CACNA2D1: variants seen among roughly 807,000 people sequenced by gnomAD.
CACNA2D1 encodes calcium voltage-gated channel auxiliary subunit alpha2delta 1.
Under a neutral mutation model 171.5 loss-of-function variants are expected in CACNA2D1, and 53 were observed. The observed-to-expected ratio is 0.31, with a 90% CI of 0.25 to 0.39. The LOEUF (loss-of-function observed/expected upper bound fraction) is 0.39, where lower values mean the gene tolerates loss of function less well. Ranked by LOEUF, CACNA2D1 falls within the 10% of genes least tolerant of loss-of-function variation. The pLI is 1.00. For missense variants in CACNA2D1, 903 were observed against 1,299.8 expected, an observed-to-expected ratio of 0.69 and a Z score of 4.69; for synonymous variants, 442 against 443.1, an observed-to-expected ratio of 1.00 and a Z score of 0.03.
chr7:82,152,135 T>C (rs892533899), intron 4 of CACNA2D1, among the ~76,000 whole-genome samples: 1 of 151,970 alleles, frequency 6.6e-6, no homozygotes, highest in African/African-American at 2.4e-5. Context: ...ATCCTAAAAA[T>C]GATTAATCAA....
At chr7:82,029,799 T>A (rs1438746014) in intron 12 of CACNA2D1, 1 of 151,790 alleles carries the variant, frequency 6.6e-6, no homozygotes, top group African/African-American at 2.4e-5. Flanking sequence ...TGTTATAGCC[T>A]CTGAAGTTAG....
At chr7:81,991,728 C>T (rs1191008283) in intron 20 of CACNA2D1, among the ~76,000 whole-genome samples, 1 of 152,070 alleles carries the variant, frequency 6.6e-6, no homozygotes, top group Non-Finnish European at 1.5e-5. Context: ...GTTAGGACAA[C>T]ATCTAATAAA....
At chr7:82,300,085 C>A in intron 3 of CACNA2D1, among the ~76,000 whole-genome samples, 1 of 152,082 alleles carries the variant, frequency 6.6e-6, no homozygotes, top group Non-Finnish European at 1.5e-5. Flanking sequence ...TTCAGAATAA[C>A]AATAGGGGTG....
intron 3 of CACNA2D1, among the ~76,000 whole-genome samples, chr7:82,216,891 CAAAAAA>C (rs56161307): frequency 7.7e-6 from 1 of 130,324 alleles, no homozygotes; most frequent in East Asian, 2.1e-4. Context: ...AGCCTAAATC[CAAAAAA>C]AAAAAAAAAA....
chr7:82,178,010 G>C (rs559253231), intron 3 of CACNA2D1, among the ~76,000 whole-genome samples: 12 of 152,242 alleles, frequency 7.9e-5, no homozygotes, highest in African/African-American at 2.9e-4. Context: ...TTTCATGCCA[G>C]ATTATGGGAA....
At chr7:81,982,799 AAAAT>A in intron 23 of CACNA2D1, 172 bp from the exon 24 acceptor site, 1 of 672,210 alleles carries the variant, frequency 1.5e-6, no homozygotes, top group Non-Finnish European at 2.7e-6. Flanking sequence ...AATGCTTCCC[AAAAT>A]AATAAAATTA....
chr7:81,962,179 G>A (rs1360438355), intron 35 of CACNA2D1, among the ~76,000 whole-genome samples, 156 bp from the exon 36 acceptor site: 2 of 151,814 alleles, frequency 1.3e-5, no homozygotes, highest in Non-Finnish European at 2.9e-5. Flanking sequence ...TATCGTGGCA[G>A]CCCGTAATAG....
At chr7:82,078,422 T>G (rs948468671) in intron 7 of CACNA2D1, among the ~76,000 whole-genome samples, 1 of 152,218 alleles carries the variant, frequency 6.6e-6, no homozygotes, top group Non-Finnish European at 1.5e-5. Flanking sequence ...AGTTTGTACC[T>G]ATGGTTTTTA....
At chr7:82,053,512 CA>C (rs1205441769) in intron 10 of CACNA2D1, among the ~76,000 whole-genome samples, 2 of 151,506 alleles carry the variant, frequency 1.3e-5, no homozygotes, top group East Asian at 1.9e-4. Context: ...GTGTAGTTGA[CA>C]AAAAAATGAT....
chr7:82,181,720 C>A (rs2129170611), intron 3 of CACNA2D1, among the ~76,000 whole-genome samples: 1 of 152,196 alleles, frequency 6.6e-6, no homozygotes, highest in East Asian at 1.9e-4. Flanking sequence ...AAAAAATAAA[C>A]CTTGTAAAGG....
intron 7 of CACNA2D1, among the ~76,000 whole-genome samples, chr7:82,069,070 A>C (rs920896837): frequency 6.6e-6 from 1 of 152,166 alleles, no homozygotes; most frequent in African/African-American, 2.4e-5. Flanking sequence ...CCAAATTAAG[A>C]TATTAATGTT....
At chr7:82,419,722 A>G (rs542820859) in intron 1 of CACNA2D1, among the ~76,000 whole-genome samples, 1 of 152,312 alleles carries the variant, frequency 6.6e-6, no homozygotes, top group South Asian at 2.1e-4. Flanking sequence ...ACTTTAGCAA[A>G]ATGCAAACAC....
intron 38 of CACNA2D1, among the ~76,000 whole-genome samples, chr7:81,954,669 G>A (rs1323630213): frequency 2.0e-5 from 3 of 152,038 alleles, no homozygotes; most frequent in Admixed American, 6.6e-5. Context: ...CTGGTCATTT[G>A]GCTAAAAGGT....
At chr7:82,029,155 G>A (rs1198092046) in intron 12 of CACNA2D1, 1 of 151,726 alleles carries the variant, frequency 6.6e-6, no homozygotes, top group African/African-American at 2.4e-5. Context: ...TAATCAGTCA[G>A]CAGCCATCAA....
intron 7 of CACNA2D1, among the ~76,000 whole-genome samples, chr7:82,074,248 A>G (rs927857432): frequency 3.3e-5 from 5 of 152,054 alleles, no homozygotes; most frequent in African/African-American, 1.2e-4. Context: ...ATTTTTTGAG[A>G]TGGAGTCTCA....
At chr7:81,952,941 A>G (rs1792779959) in intron 38 of CACNA2D1, among the ~76,000 whole-genome samples, 1 of 152,048 alleles carries the variant, frequency 6.6e-6, no homozygotes. Flanking sequence ...ATCAGTAAAT[A>G]TCTGGTACCA....
chr7:82,443,299 C>G lies in CACNA2D1; in HGVS notation c.95+66G>C. ...CGGAAAAGCCCCGCGACTCGGGAAC[C>G]GACCCCCACCCCCAACTCCCGCGGC... On this transcript the variant is annotated intron_variant, in intron 1 of 38. Transcript: ENST00000356860. 4 of 1,499,588 alleles carry G rather than the reference C, an allele frequency of 2.7e-6. No homozygotes were observed. In the South Asian group the frequency reaches 4.8e-5, roughly 18 times the overall value. 92.9% of individuals were successfully genotyped at this position (1,499,588 alleles called of 1,614,324 possible). A position where few individuals can be genotyped will look rare whatever the true frequency, so the allele number is the denominator to read the frequency against.
intron 4 of CACNA2D1, among the ~76,000 whole-genome samples, chr7:82,138,142 T>C (rs1791896266): frequency 6.6e-6 from 1 of 152,180 alleles, no homozygotes; most frequent in African/African-American, 2.4e-5. Context: ...AAATACATTG[T>C]GTTTTCTCAG....
intron 1 of CACNA2D1, among the ~76,000 whole-genome samples, chr7:82,424,862 A>T (rs760168398): frequency 2.0e-5 from 3 of 152,180 alleles, no homozygotes; most frequent in Non-Finnish European, 2.9e-5. Context: ...GCATTTCCCA[A>T]ATCTGTGAGC....
Sources: gnomAD v4.1 joint callset for allele counts (sites outside exome capture counted in the v4.1 genomes callset) on GRCh38, gnomAD v4.1.1 for gene constraint, MANE v1.5 for transcripts, NCBI Gene and HGNC (gene_info 2026-07-23, HGNC 2026-07-21) for gene names.